EDIL3: variants seen among roughly 807,000 people sequenced by gnomAD.
EDIL3 encodes EGF like and discoidin domains 3, also known as EGF-like repeat and discoidin I-like domain-containing protein 3.
Under a neutral mutation model 67.4 loss-of-function variants are expected in EDIL3, and 37 were observed. That is an observed-to-expected ratio of 0.55 (90% CI 0.42 to 0.72). EDIL3 has a LOEUF of 0.72. Ranked by LOEUF, EDIL3 falls within the 30% of genes least tolerant of loss-of-function variation. The pLI is 0.00. For synonymous variants in EDIL3, 195 were observed against 196.3 expected (o/e 0.99, Z 0.05); for missense variants, 527 against 586.3 (o/e 0.90, Z 1.04).
Position 84,009,785 on chromosome 5 carries a change from A to G in EDIL3, c.1138-46425T>C, listed in dbSNP as rs192775542. ...AACCATGGTCAAAACCTGACATTTG[A>G]AATATTGCTGGTTGTGGGAAGAAAG... On this transcript the variant is annotated intron_variant, in intron 9 of 10. Transcript: ENST00000296591. Among the ~76,000 whole-genome samples, 572 of 152,288 alleles carry G rather than the reference A, an allele frequency of 3.8e-3. 4 individuals are homozygous for G. Among genetic ancestry groups the G allele is most frequent in the Non-Finnish European group, 6.8e-3 (460 of 68,022 alleles).
intron 5 of EDIL3, among the ~76,000 whole-genome samples, chr5:84,116,762 G>A (rs185950606): frequency 6.6e-6 from 1 of 152,146 alleles, no homozygotes; most frequent in African/African-American, 2.4e-5. Context: ...TAAAACAAAG[G>A]ATGCTTTACC....
intron 9 of EDIL3, among the ~76,000 whole-genome samples, chr5:84,025,351 C>T (rs997318694): frequency 1.3e-5 from 2 of 152,014 alleles, no homozygotes; most frequent in Admixed American, 6.6e-5. Context: ...CTCCCATTAC[C>T]GCCTGAGCTC....
At chr5:84,064,061 A>C (rs947047295) in intron 8 of EDIL3, among the ~76,000 whole-genome samples, 2 of 152,156 alleles carry the variant, frequency 1.3e-5, no homozygotes, top group African/African-American at 4.8e-5. Context: ...CTGGGGGACA[A>C]GAATTATTTA....
At chr5:84,287,474 C>A (rs1437367148) in intron 1 of EDIL3, among the ~76,000 whole-genome samples, 2 of 152,050 alleles carry the variant, frequency 1.3e-5, no homozygotes, top group African/African-American at 4.8e-5. Context: ...TAGATCAAAT[C>A]AGCATTTAAA....
At chr5:84,010,385 T>C (rs1430490462) in intron 9 of EDIL3, among the ~76,000 whole-genome samples, 2 of 152,226 alleles carry the variant, frequency 1.3e-5, no homozygotes, top group African/African-American at 2.4e-5. Context: ...ATTTTGCTTG[T>C]GTACTTCCCT....
At chr5:84,376,710 C>T (rs1747975274) in intron 1 of EDIL3, among the ~76,000 whole-genome samples, 1 of 152,276 alleles carries the variant, frequency 6.6e-6, no homozygotes, top group African/African-American at 2.4e-5. Context: ...TGTGCAAGTA[C>T]GTTTACAGGC....
At position 84,132,271 on chromosome 5, in the gene EDIL3, C is replaced by A. The variant is rs577834566; in HGVS notation, c.469+4970G>T. Among the ~76,000 whole-genome samples the A allele has an allele frequency of 3.0e-3, 325 of 107,798 alleles. 3 individuals are homozygous for A. The highest frequency in any genetic ancestry group is 0.012 in the African/African-American group (308 of 26,318). 70.7% of individuals were successfully genotyped at this position (107,798 alleles called of 152,430 possible). A position where few individuals can be genotyped will look rare whatever the true frequency, so the allele number is the denominator to read the frequency against. ...AAGAAAAAATATATATATAATATAT[C>A]TTTTTTTCATATATAGTATATATTT... On this transcript the variant is annotated intron_variant, in intron 5 of 10. Coordinates refer to ENST00000296591, the MANE Select transcript of EDIL3 (RefSeq NM_005711.5).
At chr5:84,112,197 T>G (rs1747576986) in intron 5 of EDIL3, among the ~76,000 whole-genome samples, 3 of 152,190 alleles carry the variant, frequency 2.0e-5, no homozygotes, top group African/African-American at 7.2e-5. Flanking sequence ...TTTCATTTAA[T>G]TTAGATCATT....
intron 1 of EDIL3, among the ~76,000 whole-genome samples, chr5:84,289,431 GTTC>G (rs1561246667): frequency 1.3e-5 from 2 of 152,140 alleles, no homozygotes; most frequent in African/African-American, 2.4e-5. Flanking sequence ...TTACCTCTGA[GTTC>G]TTATTATTTC....
intron 1 of EDIL3, among the ~76,000 whole-genome samples, chr5:84,310,340 G>T (rs72778410): frequency 6.6e-6 from 1 of 152,022 alleles, no homozygotes; most frequent in Non-Finnish European, 1.5e-5. Flanking sequence ...ATTTTTACAC[G>T]TGGGGGGAGG....
intron 1 of EDIL3, among the ~76,000 whole-genome samples, chr5:84,293,634 T>A (rs1431012963): frequency 6.6e-6 from 1 of 152,038 alleles, no homozygotes; most frequent in Non-Finnish European, 1.5e-5. Flanking sequence ...GGATACATTT[T>A]CAGGTTGTAA....
At chr5:84,189,358 G>C (rs530160393) in intron 3 of EDIL3, among the ~76,000 whole-genome samples, 107 of 151,976 alleles carry the variant, frequency 7.0e-4, no homozygotes, top group Admixed American at 2.1e-3. Context: ...TTAGAGTTGG[G>C]CTTGCTGATG....
intron 9 of EDIL3, among the ~76,000 whole-genome samples, chr5:84,051,241 C>A (rs557519064): frequency 6.6e-6 from 1 of 152,356 alleles, no homozygotes; most frequent in South Asian, 2.1e-4. Context: ...AACAGACCTG[C>A]AGCTGAGGGT....
At chr5:84,293,919 C>A (rs1745979029) in intron 1 of EDIL3, among the ~76,000 whole-genome samples, 1 of 151,352 alleles carries the variant, frequency 6.6e-6, no homozygotes, top group Non-Finnish European at 1.5e-5. Context: ...TATAGACATA[C>A]AAATACATAT....
intron 1 of EDIL3, among the ~76,000 whole-genome samples, chr5:84,281,264 A>G (rs1273917469): frequency 6.6e-6 from 1 of 152,216 alleles, no homozygotes; most frequent in African/African-American, 2.4e-5. Context: ...TTTTATTCAT[A>G]GGCTACTGTC....
At chr5:84,151,965 G>C (rs999238331) in intron 4 of EDIL3, among the ~76,000 whole-genome samples, 3 of 150,602 alleles carry the variant, frequency 2.0e-5, no homozygotes, top group Non-Finnish European at 2.9e-5. Context: ...CCACGCAGGA[G>C]AGCAGTGGCA....
rs375161972 is a variant in EDIL3 at position 84,043,161 on chromosome 5, A to G, written c.1137+17139T>C. Among the ~76,000 whole-genome samples, 5 of 152,330 alleles carry G rather than the reference A, an allele frequency of 3.3e-5. No homozygotes were observed. The East Asian group carries it at 5.8e-4, about 18-fold the overall frequency. ...TTTACAACTTGAGTGACAAATAAGT[A>G]TTTGTGTACTGTTGTAAACTTCTTT... is the stretch of plus-strand genomic sequence containing the variant. On this transcript the variant is annotated intron_variant, in intron 9 of 10. Coordinates refer to ENST00000296591, the MANE Select transcript of EDIL3 (RefSeq NM_005711.5).
chr5:83,988,607 G>A (rs945927194), intron 9 of EDIL3, among the ~76,000 whole-genome samples: 1 of 152,052 alleles, frequency 6.6e-6, no homozygotes, highest in Non-Finnish European at 1.5e-5. Context: ...TGCCCTCTCT[G>A]AGCTGTTTCT....
intron 1 of EDIL3, among the ~76,000 whole-genome samples, chr5:84,325,461 T>A (rs1746738344): frequency 6.6e-6 from 1 of 151,288 alleles, no homozygotes; most frequent in South Asian, 2.1e-4. Context: ...TTAGGATGAT[T>A]ATAATAAAAA....
Sources: allele counts gnomAD v4.1 joint callset (sites outside exome capture counted in the v4.1 genomes callset), GRCh38; gene constraint gnomAD v4.1.1; transcripts MANE v1.5; gene names NCBI Gene and HGNC (gene_info 2026-07-23, HGNC 2026-07-21).